Variants in NPY4R observed in about 807,000 individuals in gnomAD.
NPY4R encodes neuropeptide Y receptor type 4.
A neutral mutation model predicts 11.9 loss-of-function variants in NPY4R; 2 were observed. That is an observed-to-expected ratio of 0.17 (90% confidence interval 0.07 to 0.53). The LOEUF (loss-of-function observed/expected upper bound fraction) is 0.53, where lower values mean the gene tolerates loss of function less well. NPY4R is among the 20% of genes least tolerant of loss of function. The probability of loss-of-function intolerance (pLI) is 0.94; values close to 1 mark genes in which losing one functional copy is unlikely to be tolerated. For missense variants in NPY4R, 26 were observed against 280.2 expected (o/e 0.09, Z 6.48); for synonymous variants, 8 against 121.7 (o/e 0.07, Z 6.15).
chr10:46,465,881 CA>C lies in NPY4R; in HGVS notation c.-420del, dbSNP rs1840997933. On this transcript the variant is annotated 5_prime_UTR_variant, in exon 1 of 3. Transcript: ENST00000374312. ...CCGCCCCCGGCCGCACTCCTGTGCC[CA>C]GGGGGCACCAGGCGCGGGGCAGAGC... 1 of 152,096 alleles carries C rather than the reference CA, an allele frequency of 6.6e-6. No individual in the cohort carries two copies. The highest frequency in any genetic ancestry group is 2.4e-5 in the African/African-American group (1 of 41,428). 9.4% of individuals were successfully genotyped at this position (152,096 alleles called of 1,614,324 possible). A position where few individuals can be genotyped will look rare whatever the true frequency, so the allele number is the denominator to read the frequency against.
chr10:46,466,278 TTCTTTCTC>T (rs1841047462), upstream of NPY4R, among the ~76,000 whole-genome samples: 10 of 73,274 alleles, frequency 1.4e-4, no homozygotes, highest in African/African-American at 7.3e-4. Flanking sequence ...CTTTCTTTCT[TTCTTTCTC>T]TCTCTCTCTC....
chr10:46,469,832 A>AATTTAATGCCTAAATTCAG (rs1220990309), upstream of NPY4R, among the ~76,000 whole-genome samples: 2 of 2,970 alleles, frequency 6.7e-4, no homozygotes, highest in African/African-American at 0.011. Context: ...TAAATTAGAG[A>AATTTAATGCCTAAATTCAG]AATTACTGAA....
upstream of NPY4R, among the ~76,000 whole-genome samples, chr10:46,466,195 CT>C (rs1306664189): frequency 0.11 from 3,113 of 29,548 alleles, 217 homozygotes; most frequent in Non-Finnish European, 0.13. Context: ...TTCTTTCTTT[CT>C]TTCTTTCTTT....
chr10:46,466,199 C>CTT (rs1356972395), upstream of NPY4R, among the ~76,000 whole-genome samples: 1 of 59,064 alleles, frequency 1.7e-5, no homozygotes, highest in African/African-American at 1.1e-4. Context: ...TTCTTTCTTT[C>CTT]TTTCTTTCTT....
intron 1 of NPY4R, 60 bp from the exon 2 acceptor site, chr10:46,463,945 T>C (rs1840929266): frequency 6.9e-6 from 1 of 145,638 alleles, no homozygotes; most frequent in Non-Finnish European, 1.5e-5. Context: ...CCCCATCTTG[T>C]AAAACACTAT....
chr10:46,466,203 CT>C (rs797033525), upstream of NPY4R, among the ~76,000 whole-genome samples: 8 of 48,642 alleles, frequency 1.6e-4, 1 homozygote, highest in African/African-American at 6.1e-4. Flanking sequence ...TTCTTTCTTT[CT>C]TTCTTTCTTT....
rs200797786 is a variant in NPY4R, at chr10:46,462,536, A to T, written c.100T>A (p.Cys34Ser). 5.9e-5 allele frequency: 96 copies of T among 1,614,102 alleles called. No homozygotes were observed. In the East Asian group the frequency reaches 2.1e-3, roughly 36 times the overall value. Reference sequence around the variant, plus strand: ...ACCATCACGTCCACGGAATCCTGGCAATGTTCAGAGAAGTTGTATGGGGTG... The same window carrying T: ...ACCATCACGTCCACGGAATCCTGGCTATGTTCAGAGAAGTTGTATGGGGTG... ...LGTPYNFSEH[C>S]QDSVDVMVFI... Residue 34 changes from cysteine (C) to serine (S), a missense_variant, in exon 3 of 3, where the codon TGC becomes AGC. Cys to Ser is a moderately radical substitution (Grantham distance 112). Transcript: ENST00000374312.
chr10:46,466,231 CTTTCT>C (rs1841027961), upstream of NPY4R, among the ~76,000 whole-genome samples: 1 of 68,354 alleles, frequency 1.5e-5, no homozygotes, highest in East Asian at 2.3e-4. Flanking sequence ...TTCTTTCTTT[CTTTCT>C]TTCTTTCTTT....
upstream of NPY4R, among the ~76,000 whole-genome samples, chr10:46,466,181 C>CTTTCTTTCTT (rs1554991156): frequency 9.0e-5 from 2 of 22,302 alleles, no homozygotes; most frequent in Admixed American, 5.3e-4. Context: ...CTGTCTTTCT[C>CTTTCTTTCTT]TCTTTCTTTC....
rs1840866975 is a variant in NPY4R at position 46,462,510 on chromosome 10, G to C, written c.126C>G (p.Val42=). 6.2e-7 allele frequency: 1 copy of C among 1,614,112 alleles called. No homozygotes were observed. Among genetic ancestry groups the C allele is most frequent in the South Asian group, 1.1e-5 (1 of 91,090 alleles). The change falls in exon 3 of 3, where the codon GTC becomes GTG. Residue 42 remains valine, a synonymous_variant. Coordinates refer to ENST00000374312, the MANE Select transcript of NPY4R (RefSeq NM_005972.6). ...EHCQDSVDVM[V]FIVTSYSIET... is the part of the protein sequence containing the mutation. ...CAATGCTGTAGGAAGTGACGATGAAGACCATCACGTCCACGGAATCCTGGC... is the reference window on the plus strand; with the variant it reads ...CAATGCTGTAGGAAGTGACGATGAACACCATCACGTCCACGGAATCCTGGC...
chr10:46,466,224 TTTC>T (rs1565142367), upstream of NPY4R, among the ~76,000 whole-genome samples: 28 of 66,998 alleles, frequency 4.2e-4, no homozygotes, highest in African/African-American at 2.4e-3. Context: ...TCTTTCTTTC[TTTC>T]TTTCTTTCTT....
chr10:46,466,191 C>CT (rs782363956), upstream of NPY4R, among the ~76,000 whole-genome samples: 2 of 19,884 alleles, frequency 1.0e-4, no homozygotes, highest in Non-Finnish European at 1.0e-4. Context: ...CTCTTTCTTT[C>CT]TTTCTTTCTT....
At chr10:46,466,274 TTCTTTCTTTCTCTC>T (rs1841046421), upstream of NPY4R, among the ~76,000 whole-genome samples, 1 of 60,386 alleles carries the variant, frequency 1.7e-5, no homozygotes, top group African/African-American at 8.9e-5. Flanking sequence ...CTTTCTTTCT[TTCTTTCTTTCTCTC>T]TCTCTCTCTC....
upstream of NPY4R, among the ~76,000 whole-genome samples, chr10:46,466,050 C>T (rs1183725791): frequency 1.3e-5 from 2 of 150,620 alleles, no homozygotes; most frequent in Non-Finnish European, 3.0e-5. Flanking sequence ...GCCCCGGGAC[C>T]CCAGCACTCG....
intron 1 of NPY4R, among the ~76,000 whole-genome samples, chr10:46,464,297 A>AGGC (rs1366364892): frequency 2.7e-5 from 4 of 146,134 alleles, no homozygotes; most frequent in African/African-American, 1.0e-4. Flanking sequence ...TGAACCTGGG[A>AGGC]GGCGGAGGTT....
upstream of NPY4R, among the ~76,000 whole-genome samples, chr10:46,466,286 C>CTTTCTTTTTCTTTCTTTCTT (rs782691125): frequency 2.7e-4 from 4 of 14,980 alleles, 1 homozygote; most frequent in South Asian, 5.6e-3. Flanking sequence ...CTTTCTTTCT[C>CTTTCTTTTTCTTTCTTTCTT]TCTCTCTCTC....
upstream of NPY4R, among the ~76,000 whole-genome samples, chr10:46,466,263 C>CTTTCTTTCCTTT (rs1370103147): frequency 1.6e-4 from 2 of 12,556 alleles, no homozygotes; most frequent in Admixed American, 8.0e-4. Context: ...TTCTTTCTTT[C>CTTTCTTTCCTTT]CTTTCTTTCT....
intron 1 of NPY4R, 56 bp from the exon 2 acceptor site, chr10:46,463,941 CT>C (rs1404415253): frequency 6.9e-6 from 1 of 145,686 alleles, no homozygotes; most frequent in Admixed American, 6.8e-5. Context: ...TGGACCCCAT[CT>C]TGTAAAACAC....
At chr10:46,466,384 G>GTC (rs1393690246), upstream of NPY4R, among the ~76,000 whole-genome samples, 16 of 102,450 alleles carry the variant, frequency 1.6e-4, no homozygotes, top group East Asian at 8.4e-4. Context: ...GCGTCTGCCT[G>GTC]TCTCTCTCTC....
Sources: gnomAD v4.1 joint callset for allele counts (sites outside exome capture counted in the v4.1 genomes callset) on GRCh38, gnomAD v4.1.1 for gene constraint, MANE v1.5 for transcripts, NCBI Gene and HGNC (gene_info 2026-07-23, HGNC 2026-07-21) for gene names.